MACF1: variants seen among roughly 807,000 people sequenced by gnomAD.
The protein encoded by MACF1 is microtubule-actin cross-linking factor 1.
A neutral mutation model predicts 854.8 loss-of-function variants in MACF1; 193 were observed. The ratio of observed to expected loss-of-function variants is 0.23; its 90% CI spans 0.20 to 0.25. The LOEUF is 0.25. MACF1 is among the 10% of genes least tolerant of loss of function. MACF1 has a pLI of 1.00. For missense variants in MACF1, 7,722 were observed against 8,929.1 expected, an observed-to-expected ratio of 0.86 and a Z score of 5.45; for synonymous variants, 3,185 against 3,226.7, an observed-to-expected ratio of 0.99 and a Z score of 0.44.
At chr1:39,120,604 T>C (rs1642676385) in intron 2 of MACF1, among the ~76,000 whole-genome samples, 1 of 152,000 alleles carries the variant, frequency 6.6e-6, no homozygotes, top group South Asian at 2.1e-4. Context: ...CCTCGTGATC[T>C]GCCCGCCTTG....
chr1:39,438,100 T>C, intron 71 of MACF1, 92 bp downstream of exon 71: 1 of 1,231,116 alleles, frequency 8.1e-7, no homozygotes, highest in South Asian at 1.4e-5. Flanking sequence ...ATTTATTTCT[T>C]TGAATGTAAA....
In MACF1 at chr1:39,333,354, A is replaced by T. The variant is rs372316031; in HGVS notation, c.6766A>T (p.Met2256Leu). Residue 2256 changes from methionine to leucine, a missense_variant, in exon 37 of 101, where the codon ATG becomes TTG. Coordinates refer to ENST00000564288, the MANE Select transcript of MACF1 (RefSeq NM_001394062.1). ...GAACATCGCAGGTGGTAGTATGATGATGTCAGAAAAGACCGATGAGGAAGA... is the reference window on the plus strand; with the variant it reads ...GAACATCGCAGGTGGTAGTATGATGTTGTCAGAAAAGACCGATGAGGAAGA... ...AQNIAGGSMM[M>L]SEKTDEEDSG... 5 of 1,614,120 alleles carry T rather than the reference A, an allele frequency of 3.1e-6. No individual in the cohort carries two copies. The African/African-American group carries it at 6.7e-5, about 22-fold the overall frequency.
rs551754679 is a variant in MACF1, at chr1:39,284,148, C to T, written c.998C>T (p.Ser333Leu). ...ATCAAACAGCATACAATACTGATGT[C>T]AGATAAAACTTTTCCCCAAAACCCT... ...PWIKQHTILM[S>L]DKTFPQNPVE... Residue 333 changes from serine to leucine, a missense_variant, in exon 10 of 101, where the codon TCA becomes TTA. Ser to Leu is a moderately radical substitution (Grantham distance 145). Around this residue, in one of 15 missense-constraint regions of MACF1, gnomAD observed 97 missense variants for 130.4 expected, o/e 0.74. Transcript: ENST00000564288. The T allele has an allele frequency of 6.2e-7, 1 of 1,613,712 alleles. No individual in the cohort carries two copies. The highest frequency in any genetic ancestry group is 1.1e-5 in the South Asian group (1 of 90,956).
chr1:39,210,379 T>TAAA (rs1024948276), intron 1 of MACF1, among the ~76,000 whole-genome samples: 1 of 146,028 alleles, frequency 6.8e-6, no homozygotes, highest in East Asian at 2.0e-4. Context: ...TTCCTTTTTT[T>TAAA]AAAAAAAAAA....
chr1:39,465,722 G>A (rs1027779268), intron 95 of MACF1, among the ~76,000 whole-genome samples: 2 of 152,126 alleles, frequency 1.3e-5, no homozygotes, highest in Non-Finnish European at 2.9e-5. Context: ...ATCTTTTTGA[G>A]TGCTGTGGGG....
At chr1:39,464,141 C>T (rs2124087094) in intron 94 of MACF1, 1 of 164,480 alleles carries the variant, frequency 6.1e-6, no homozygotes, top group South Asian at 1.6e-4. Context: ...ACTGAGGAGA[C>T]ATCAGGCTCA....
At chr1:39,218,130 C>T (rs552326030) in intron 1 of MACF1, among the ~76,000 whole-genome samples, 3 of 143,812 alleles carry the variant, frequency 2.1e-5, no homozygotes, top group Non-Finnish European at 4.5e-5. Context: ...TTGCAGTGAG[C>T]CGAGATCACA....
intron 14 of MACF1, among the ~76,000 whole-genome samples, chr1:39,286,416 T>C (rs534263882): frequency 9.9e-5 from 15 of 152,024 alleles, no homozygotes; most frequent in Non-Finnish European, 1.9e-4. Context: ...GGGGGGAAAA[T>C]TGAGACCCAC....
intron 2 of MACF1, among the ~76,000 whole-genome samples, chr1:39,237,435 G>T (rs1401531569): frequency 6.6e-6 from 1 of 152,194 alleles, no homozygotes; most frequent in East Asian, 1.9e-4. Flanking sequence ...TAGCACATGA[G>T]AAGTATCCAA....
At chr1:39,125,927 A>G (rs909191546) in intron 2 of MACF1, among the ~76,000 whole-genome samples, 4 of 151,424 alleles carry the variant, frequency 2.6e-5, no homozygotes, top group Admixed American at 2.0e-4. Context: ...CGGGAGGCGG[A>G]GGTTCCAGTG....
At chr1:39,455,837 A>G (rs1303818121) in intron 89 of MACF1, among the ~76,000 whole-genome samples, 1 of 152,186 alleles carries the variant, frequency 6.6e-6, no homozygotes, top group African/African-American at 2.4e-5. Flanking sequence ...ATATATCCTT[A>G]AGAGGCAAAT....
At chr1:39,157,462 T>C (rs191632188) in intron 2 of MACF1, among the ~76,000 whole-genome samples, 56 of 152,378 alleles carry the variant, frequency 3.7e-4, no homozygotes, top group African/African-American at 1.3e-3. Flanking sequence ...CAATGGCATC[T>C]TGTGAGCCAG....
chr1:39,225,687 T>G (rs12059756), intron 1 of MACF1, among the ~76,000 whole-genome samples: 4,701 of 152,248 alleles, frequency 0.031, 236 homozygotes, highest in African/African-American at 0.11. Context: ...TTGGTGGGGC[T>G]GAGATTATAA....
At chr1:39,293,176 T>C (rs1645831213) in intron 17 of MACF1, among the ~76,000 whole-genome samples, 1 of 152,188 alleles carries the variant, frequency 6.6e-6, no homozygotes, top group South Asian at 2.1e-4. Flanking sequence ...TCTGTTGTTT[T>C]TCATCCCTGT....
intron 2 of MACF1, among the ~76,000 whole-genome samples, chr1:39,156,513 G>C (rs1042514187): frequency 1.3e-5 from 2 of 152,138 alleles, no homozygotes; most frequent in Admixed American, 1.3e-4. Context: ...CAGCTACTTG[G>C]GGGGCTGAGG....
At chr1:39,457,277 G>A (rs1414605576) in intron 89 of MACF1, 1 of 151,760 alleles carries the variant, frequency 6.6e-6, no homozygotes, top group Non-Finnish European at 1.5e-5. Context: ...GGCCTGTGAT[G>A]TCTGGAGTTC....
At chr1:39,175,979 G>A (rs182370912) in intron 2 of MACF1, among the ~76,000 whole-genome samples, 2 of 145,958 alleles carry the variant, frequency 1.4e-5, no homozygotes, top group East Asian at 2.0e-4. Flanking sequence ...GTGTGGTGAC[G>A]GGCACCTGTA....
chr1:39,467,090 G>A (rs1474931433), intron 95 of MACF1, among the ~76,000 whole-genome samples: 1 of 152,152 alleles, frequency 6.6e-6, no homozygotes, highest in African/African-American at 2.4e-5. Flanking sequence ...ATCCTGGCCG[G>A]GCGTGGTGGC....
chr1:39,366,587 G>A (rs140346959), intron 49 of MACF1, among the ~76,000 whole-genome samples: 2 of 151,944 alleles, frequency 1.3e-5, no homozygotes, highest in African/African-American at 4.8e-5. Context: ...GTAAGTTGAA[G>A]TTTTCATTAT....
Sources: gnomAD v4.1 joint callset for allele counts (sites outside exome capture counted in the v4.1 genomes callset) on GRCh38, gnomAD v4.1.1 for gene constraint, gnomAD v4.1.1 regional missense constraint, MANE v1.5 for transcripts, NCBI Gene and HGNC (gene_info 2026-07-23, HGNC 2026-07-21) for gene names.